SLC10A7: variants seen among roughly 807,000 people sequenced by gnomAD.
SLC10A7 encodes sodium/bile acid cotransporter 7.
SLC10A7 carries 29 observed loss-of-function variants against 43.2 expected under a neutral mutation model. The ratio of observed to expected loss-of-function variants is 0.67; its 90% confidence interval spans 0.50 to 0.92. The LOEUF (loss-of-function observed/expected upper bound fraction) is 0.92. Among genes scored for constraint, SLC10A7 ranks in the 40% least tolerant of loss-of-function variants. The pLI is 0.00. For missense variants in SLC10A7, 295 were observed against 403.2 expected, an observed-to-expected ratio of 0.73 and a Z score of 2.30; for synonymous variants, 152 against 144.8, an observed-to-expected ratio of 1.05 and a Z score of -0.35.
chr4:146,348,761 T>A (rs902463814), intron 5 of SLC10A7, among the ~76,000 whole-genome samples: 1 of 152,222 alleles, frequency 6.6e-6, no homozygotes, highest in East Asian at 1.9e-4. Flanking sequence ...GCCTGATTTT[T>A]ATAAAATAAT....
intron 5 of SLC10A7, among the ~76,000 whole-genome samples, chr4:146,382,394 C>T (rs745582787): frequency 6.6e-6 from 1 of 152,102 alleles, no homozygotes; most frequent in Non-Finnish European, 1.5e-5. Context: ...TACTGTTTCA[C>T]CCAATAGACT....
At chr4:146,481,496 A>T (rs1478999217) in intron 4 of SLC10A7, among the ~76,000 whole-genome samples, 2 of 152,166 alleles carry the variant, frequency 1.3e-5, no homozygotes, top group African/African-American at 2.4e-5. Flanking sequence ...CATCCCCCAG[A>T]GCCTGAGTTA....
chr4:146,512,604 G>A (rs771259870), intron 2 of SLC10A7, among the ~76,000 whole-genome samples: 2 of 152,108 alleles, frequency 1.3e-5, no homozygotes, highest in Non-Finnish European at 2.9e-5. Context: ...TTATCAATAG[G>A]TGTATAAATT....
chr4:146,290,064 C>T (rs1334979621), intron 9 of SLC10A7, among the ~76,000 whole-genome samples: 1 of 149,604 alleles, frequency 6.7e-6, no homozygotes, highest in East Asian at 2.0e-4. Context: ...GTGGCTCACG[C>T]CTGTAATCCC....
At chr4:146,310,117 T>C (rs1280257125) in intron 6 of SLC10A7, among the ~76,000 whole-genome samples, 1 of 152,146 alleles carries the variant, frequency 6.6e-6, no homozygotes, top group Non-Finnish European at 1.5e-5. Flanking sequence ...TAATGGCTTC[T>C]GGCTGTTTCC....
intron 9 of SLC10A7, among the ~76,000 whole-genome samples, chr4:146,290,879 C>A (rs1048128747): frequency 8.6e-5 from 13 of 151,946 alleles, no homozygotes; most frequent in East Asian, 1.9e-4. Flanking sequence ...CCAAACCAAA[C>A]CAAAACAAAA....
chr4:146,379,074 T>C (rs1737415987), intron 5 of SLC10A7, among the ~76,000 whole-genome samples: 1 of 152,222 alleles, frequency 6.6e-6, no homozygotes, highest in Non-Finnish European at 1.5e-5. Context: ...CTGACCTCAA[T>C]GTCCACTTCC....
intron 4 of SLC10A7, among the ~76,000 whole-genome samples, chr4:146,453,564 T>C (rs1375505851): frequency 6.6e-6 from 1 of 152,028 alleles, no homozygotes; most frequent in Admixed American, 6.6e-5. Context: ...TCACAAGCTG[T>C]ATTTTTACAT....
At position 146,335,250 on chromosome 4, in the gene SLC10A7, G is replaced by GAAAAA. The variant is rs772547279; in HGVS notation, c.436-9255_436-9254insTTTTT. Among the ~76,000 whole-genome samples the GAAAAA allele has an allele frequency of 6.7e-3, 471 of 70,572 alleles. 10 individuals carry two copies. The highest frequency in any genetic ancestry group is 0.019 in the African/African-American group (275 of 14,776). 46.3% of individuals were successfully genotyped at this position (70,572 alleles called of 152,430 possible). On this transcript the variant is annotated intron_variant, in intron 5 of 11. Coordinates refer to ENST00000335472, the MANE Select transcript of SLC10A7 (RefSeq NM_001029998.6). ...TCATTAAAGTGTTGCCACAGATGTT[G>GAAAAA]TAAAAAAAAAAAAAAAAAAAAAAAA...
chr4:146,486,535 T>A (rs901514229), intron 4 of SLC10A7, among the ~76,000 whole-genome samples: 17 of 152,338 alleles, frequency 1.1e-4, no homozygotes, highest in Middle Eastern at 3.4e-3. Flanking sequence ...AACAAATAAA[T>A]TTTTTAAAAA....
At position 146,521,604 on chromosome 4, in the gene SLC10A7, G is replaced by A. The variant is rs770467744; in HGVS notation, c.100+14C>T. 28 of 1,605,368 alleles carry A rather than the reference G, an allele frequency of 1.7e-5. No homozygotes were observed. Among genetic ancestry groups the A allele is most frequent in the Non-Finnish European group, 2.3e-5 (27 of 1,173,444 alleles). On this transcript the variant is annotated intron_variant, in intron 1 of 11. Coordinates refer to ENST00000335472, the MANE Select transcript of SLC10A7 (RefSeq NM_001029998.6). Reference sequence around the variant, plus strand: ...TGGGAGCCGCGGTGGAGCCGGCAGAGGTGCAGCACTTACCCCCATTCACCC... The same window carrying A: ...TGGGAGCCGCGGTGGAGCCGGCAGAAGTGCAGCACTTACCCCCATTCACCC...
At chr4:146,372,843 A>G (rs1736891546) in intron 5 of SLC10A7, among the ~76,000 whole-genome samples, 1 of 152,220 alleles carries the variant, frequency 6.6e-6, no homozygotes, top group African/African-American at 2.4e-5. Context: ...TTTAGCCATT[A>G]TTTATTCTCA....
chr4:146,481,441 C>A (rs1373719851), intron 4 of SLC10A7, among the ~76,000 whole-genome samples: 1 of 152,208 alleles, frequency 6.6e-6, no homozygotes, highest in Admixed American at 6.5e-5. Context: ...GTCACAGAAC[C>A]TGGGCCATGG....
chr4:146,371,920 T>A (rs1022199215), intron 5 of SLC10A7, among the ~76,000 whole-genome samples: 2 of 152,194 alleles, frequency 1.3e-5, no homozygotes, highest in African/African-American at 4.8e-5. Context: ...GTATGGGTTA[T>A]CAGAATGGTA....
chr4:146,327,720 A>G (rs1307038123), intron 5 of SLC10A7, among the ~76,000 whole-genome samples: 2 of 152,320 alleles, frequency 1.3e-5, no homozygotes, highest in East Asian at 3.9e-4. Context: ...AACAAGGTTC[A>G]ATATAGAATG....
At chr4:146,286,488 T>C (rs1729960522) in intron 9 of SLC10A7, among the ~76,000 whole-genome samples, 2 of 149,446 alleles carry the variant, frequency 1.3e-5, no homozygotes, top group Non-Finnish European at 3.0e-5. Context: ...AGGACTGAGT[T>C]TGGAGTGGTG....
intron 5 of SLC10A7, among the ~76,000 whole-genome samples, chr4:146,346,488 C>G (rs1400444646): frequency 6.6e-6 from 1 of 152,034 alleles, no homozygotes; most frequent in Non-Finnish European, 1.5e-5. Context: ...CTGAGAAATT[C>G]TATTTTTGAA....
At chr4:146,353,442 A>G (rs1415021571) in intron 5 of SLC10A7, among the ~76,000 whole-genome samples, 149 of 139,994 alleles carry the variant, frequency 1.1e-3, no homozygotes, top group African/African-American at 3.8e-3. Flanking sequence ...ATTCACAGCC[A>G]AATTCTACCA....
chr4:146,516,974 A>T, intron 2 of SLC10A7, 64 bp downstream of exon 2: 1 of 1,281,750 alleles, frequency 7.8e-7, no homozygotes, highest in Non-Finnish European at 1.1e-6. Flanking sequence ...AGGACTCTTA[A>T]ATTTAAGTAA....
Sources: allele counts gnomAD v4.1 joint callset (sites outside exome capture counted in the v4.1 genomes callset), GRCh38; gene constraint gnomAD v4.1.1; transcripts MANE v1.5; gene names NCBI Gene and HGNC (gene_info 2026-07-23, HGNC 2026-07-21).